Variants in EVC observed in about 807,000 individuals in gnomAD.
EVC encodes the protein EvC ciliary complex subunit 1.
Under a neutral mutation model 118.9 loss-of-function variants are expected in EVC, and 116 were observed. The observed-to-expected ratio is 0.98, with a 90% CI of 0.84 to 1.14. The LOEUF (loss-of-function observed/expected upper bound fraction) is 1.14. Among genes scored for constraint, EVC ranks in the 50% most tolerant of loss-of-function variants. EVC has a pLI of 0.00. For missense variants in EVC, 1,401 were observed against 1,246.4 expected (o/e 1.12, Z -1.87); for synonymous variants, 619 against 534.7 (o/e 1.16, Z -2.18).
chr4:5,775,434 A>T (rs1382333907), intron 11 of EVC, among the ~76,000 whole-genome samples: 1 of 152,118 alleles, frequency 6.6e-6, no homozygotes, highest in African/African-American at 2.4e-5. Context: ...CTGATACAGA[A>T]ATCAGATCCC....
At chr4:5,828,293 A>C in the EVC span, 2 of 985,060 alleles carry the variant, frequency 2.0e-6, no homozygotes, top group East Asian at 2.3e-4. Flanking sequence ...TGGAACTTGC[A>C]TGTCCTCATT....
intron 9 of EVC, 22 bp downstream of exon 9, chr4:5,753,074 C>T (rs746490257): frequency 1.7e-5 from 27 of 1,560,178 alleles, no homozygotes; most frequent in South Asian, 1.5e-4. Flanking sequence ...GCATGGGTGC[C>T]GCCGTCCACA....
rs540613053 is a variant in EVC, at chr4:5,711,260, A to T, written c.-121A>T. 5 of 618,920 alleles carry T rather than the reference A, an allele frequency of 8.1e-6. No homozygotes were observed. The South Asian group carries it at 2.9e-4, about 35-fold the overall frequency. 38.3% of individuals were successfully genotyped at this position (618,920 alleles called of 1,614,324 possible). A position where few individuals can be genotyped will look rare whatever the true frequency, so the allele number is the denominator to read the frequency against. On this transcript the variant is annotated 5_prime_UTR_variant, in exon 1 of 21. Transcript: ENST00000264956. Reference sequence around the variant, plus strand: ...GGAGTCGGGAGACTGCACAGGCCAGAAAGTCTGCGGAGCGGGCCGCGCCCC... The same window carrying T: ...GGAGTCGGGAGACTGCACAGGCCAGTAAGTCTGCGGAGCGGGCCGCGCCCC...
Position 5,804,944 on chromosome 4 carries a change from G to A in EVC, c.2561+103G>A, listed in dbSNP as rs1320312890. On this transcript the variant is annotated intron_variant, in intron 17 of 20. Coordinates refer to ENST00000264956, the MANE Select transcript of EVC (RefSeq NM_153717.3). ...GCAGGTGCCGTCGCGTGCATTGCCCGTGGACTTGGGGGCCATCGGCCTTCC... is the reference window on the plus strand; with the variant it reads ...GCAGGTGCCGTCGCGTGCATTGCCCATGGACTTGGGGGCCATCGGCCTTCC... The A allele has an allele frequency of 3.7e-5, 38 of 1,024,522 alleles. 1 individual carries two copies. The highest frequency in any genetic ancestry group is 3.5e-4 in the South Asian group (26 of 75,026). 63.5% of individuals were successfully genotyped at this position (1,024,522 alleles called of 1,614,324 possible).
Position 5,811,003 on chromosome 4 carries a change from CAAAG to C in EVC, c.2948_2951del (p.Lys983ArgfsTer3), listed in dbSNP as rs1187539034. 6.2e-7 allele frequency: 1 copy of C among 1,612,902 alleles called. No homozygotes were observed. Among genetic ancestry groups the C allele is most frequent in the Non-Finnish European group, 8.5e-7 (1 of 1,179,416 alleles). ...AGTGAAGCTGGGGACAGTGGGAACT[CAAAG>C]AAGATGCTAAAGAGAAGAAGCAACT... On this transcript the variant is annotated frameshift_variant, in exon 21 of 21. Coordinates refer to ENST00000264956, the MANE Select transcript of EVC (RefSeq NM_153717.3). LOFTEE classifies it high-confidence loss of function.
chr4:5,799,144 CAGAA>C (rs1271134709), intron 15 of EVC, among the ~76,000 whole-genome samples: 1 of 152,158 alleles, frequency 6.6e-6, no homozygotes, highest in Non-Finnish European at 1.5e-5. Flanking sequence ...ATCCCTCTCT[CAGAA>C]AGAGAGACGT....
Position 5,789,354 on chromosome 4 carries a change from G to A in EVC, c.1777-4254G>A, listed in dbSNP as rs995763411. On this transcript the variant is annotated intron_variant, in intron 12 of 20. Transcript: ENST00000264956. This position sits in a 1 kb window ranked among gnomAD's most constrained non-coding sequence, Gnocchi z 4.3. The stretch of plus-strand genomic sequence containing the variant: ...TGCACTCCTCTGGCTTTCTGGGCAC[G>A]TTCCTGCCTTACTCTGTCCTGCTCC... 6.6e-6 allele frequency among the ~76,000 whole-genome samples: 1 copy of A among 152,096 alleles called. No individual in the cohort carries two copies. The highest frequency in any genetic ancestry group is 2.4e-5 in the African/African-American group (1 of 41,406).
At chr4:5,748,331 A>G in intron 8 of EVC, 25 bp downstream of exon 8, 1 of 1,613,460 alleles carries the variant, frequency 6.2e-7, no homozygotes, top group Non-Finnish European at 8.5e-7. Flanking sequence ...GGCGGGAGGG[A>G]ACATAAAGAT....
rs771731311 is a variant in EVC, at chr4:5,798,657, G to A, written c.2169G>A (p.Gln723=). Residue 723 remains glutamine, a synonymous_variant, in exon 15 of 21, where the codon CAG becomes CAA. Transcript: ENST00000264956. The surrounding 1 kb of genome is among the most constrained non-coding windows in gnomAD (Gnocchi z 4.1). The part of the protein sequence containing the change: ...EAQQTRLQLQ[Q]RLLAEAQEVG... ...AGCAGACACGGCTGCAGCTCCAGCA[G>A]CGGCTCCTGGCCGAGGCCCAGGAGG... The A allele has an allele frequency of 6.3e-7, 1 of 1,592,516 alleles. No individual in the cohort carries two copies.
chr4:5,818,096 GT>G (rs1717975534), downstream of EVC, among the ~76,000 whole-genome samples: 1 of 152,266 alleles, frequency 6.6e-6, no homozygotes, highest in Non-Finnish European at 1.5e-5. Flanking sequence ...CATGGGGGCA[GT>G]TTCCCCCCAT....
At chr4:5,757,058 A>T (rs1268767925) in intron 11 of EVC, among the ~76,000 whole-genome samples, 1 of 152,146 alleles carries the variant, frequency 6.6e-6, no homozygotes, top group Non-Finnish European at 1.5e-5. Context: ...TCACTGCGTG[A>T]CCACAGGAGC....
In EVC at chr4:5,715,740, C is replaced by CCTTTTTTTTTTTTTTTTTTTTTTTTTTTT. The variant is rs1553860016; in HGVS notation, c.175-3508_175-3507insCTTTTTTTTTTTTTTTTTTTTTTTTTTTT. 1.1e-4 allele frequency among the ~76,000 whole-genome samples: 8 copies of CCTTTTTTTTTTTTTTTTTTTTTTTTTTTT among 70,992 alleles called. 4 individuals are homozygous for CCTTTTTTTTTTTTTTTTTTTTTTTTTTTT. The highest frequency in any genetic ancestry group is 1.9e-4 in the African/African-American group (4 of 20,722). The allele number at this position is 70,992 out of a possible 152,430, so 46.6% of individuals were successfully genotyped here. ...AATTTCGAAGGCATTTTTCCATTGT[C>CCTTTTTTTTTTTTTTTTTTTTTTTTTTTT]TTTTTTTTTTTTTTTTTTTTTGAGA... On this transcript the variant is annotated intron_variant, in intron 1 of 20. Coordinates refer to ENST00000264956, the MANE Select transcript of EVC (RefSeq NM_153717.3).
In EVC at chr4:5,752,817, T is replaced by C. The variant is rs899691; in HGVS notation, c.1099-19T>C. 680,558 of 1,612,372 alleles carry C rather than the reference T, an allele frequency of 0.42. 148,019 individuals are homozygous for C. Among genetic ancestry groups the C allele is most frequent in the Admixed American group, 0.47 (28,500 of 60,008 alleles). On this transcript the variant is annotated intron_variant, in intron 8 of 20. Transcript: ENST00000264956. ...TCCCAGGACACCCCAGCTATGGTCCTGTGTGTTTCTTTTTGCAGGACGCCC... is the reference window on the plus strand; with the variant it reads ...TCCCAGGACACCCCAGCTATGGTCCCGTGTGTTTCTTTTTGCAGGACGCCC...
rs1339867475 is a variant in EVC at position 5,733,363 on chromosome 4, C to T, written c.630C>T (p.Asp210=). ...TTTTATTTTGCAGTGTAGACGTTGA[C>T]CTGTGTATCTACAGCCTTCACTTAA... The part of the protein sequence containing the change: ...EVLACESVDV[D]LCIYSLHLKD... The change falls in exon 5 of 21, where the codon GAC becomes GAT. Residue 210 remains aspartate, a synonymous_variant. Coordinates refer to ENST00000264956, the MANE Select transcript of EVC (RefSeq NM_153717.3). The T allele has an allele frequency of 6.2e-7, 1 of 1,613,790 alleles. No homozygotes were observed. The highest frequency in any genetic ancestry group is 8.5e-7 in the Non-Finnish European group (1 of 1,179,722).
At chr4:5,777,420 C>T (rs542751277) in intron 11 of EVC, among the ~76,000 whole-genome samples, 68 of 152,212 alleles carry the variant, frequency 4.5e-4, no homozygotes, top group Admixed American at 2.9e-3. Flanking sequence ...ACTTGAACTT[C>T]GGTCCTCTGA....
At chr4:5,745,610 G>T (rs1729251544) in intron 7 of EVC, among the ~76,000 whole-genome samples, 1 of 152,162 alleles carries the variant, frequency 6.6e-6, no homozygotes, top group Non-Finnish European at 1.5e-5. Flanking sequence ...CAAAGCAAAG[G>T]TTGCTATAAC....
At chr4:5,724,664 T>G (rs1488985993) in intron 2 of EVC, among the ~76,000 whole-genome samples, 1 of 151,934 alleles carries the variant, frequency 6.6e-6, no homozygotes, top group Non-Finnish European at 1.5e-5. Context: ...CCTTGGAAGC[T>G]TGGGGAGGTA....
In EVC at chr4:5,753,782, C is replaced by T; in HGVS notation, c.1316-3C>T. On this transcript the variant is annotated splice_region_variant and splice_polypyrimidine_tract_variant and intron_variant, in intron 9 of 20. Coordinates refer to ENST00000264956, the MANE Select transcript of EVC (RefSeq NM_153717.3). Reference sequence around the variant, plus strand: ...CCTATGCTGTGGCTTTTTTCAATCCCAGAGTTTGTCCAGCGAGGCAAAGAC... The same window carrying T: ...CCTATGCTGTGGCTTTTTTCAATCCTAGAGTTTGTCCAGCGAGGCAAAGAC... 1.2e-6 allele frequency: 2 copies of T among 1,614,168 alleles called. No individual in the cohort carries two copies. The highest frequency in any genetic ancestry group is 1.7e-6 in the Non-Finnish European group (2 of 1,180,020).
At chr4:5,730,962 C>T (rs1726714411) in intron 3 of EVC, among the ~76,000 whole-genome samples, 2 of 151,818 alleles carry the variant, frequency 1.3e-5, no homozygotes, top group South Asian at 2.1e-4. Flanking sequence ...GAGCGTGGAG[C>T]CTGTCGGTGG....
Sources: allele counts gnomAD v4.1 joint callset (sites outside exome capture counted in the v4.1 genomes callset), GRCh38; gene constraint gnomAD v4.1.1; non-coding constraint Gnocchi (gnomAD v3.1); transcripts MANE v1.5; gene names NCBI Gene and HGNC (gene_info 2026-07-23, HGNC 2026-07-21).